TET2: variants seen among roughly 807,000 people sequenced by gnomAD.
TET2 encodes tet methylcytosine dioxygenase 2.
A neutral mutation model predicts 142.9 loss-of-function variants in TET2; 299 were observed. The observed-to-expected ratio is 2.09, with a 90% CI of 1.90 to 2.30. The LOEUF is 2.30. Among genes scored for constraint, TET2 ranks in the 30% most tolerant of loss-of-function variants. The pLI is 0.00. For missense variants in TET2, 2,418 were observed against 2,378.0 expected, an observed-to-expected ratio of 1.02 and a Z score of -0.35; for synonymous variants, 819 against 849.0, an observed-to-expected ratio of 0.96 and a Z score of 0.61.
intron 2 of TET2, among the ~76,000 whole-genome samples, chr4:105,216,718 T>TA (rs1274899113): frequency 5.9e-5 from 9 of 152,182 alleles, no homozygotes; most frequent in African/African-American, 2.2e-4. Flanking sequence ...AAAAATGCCA[T>TA]AAACTTGGAT....
rs1380849325 is a variant in TET2, at chr4:105,242,537, C to A, written c.3501-297C>A. The A allele has an allele frequency of 1.5e-5, 17 of 1,154,836 alleles. No individual in the cohort carries two copies. The Admixed American group carries it at 7.4e-4, about 50-fold the overall frequency. 71.5% of individuals were successfully genotyped at this position (1,154,836 alleles called of 1,614,324 possible). A position where few individuals can be genotyped will look rare whatever the true frequency, so the allele number is the denominator to read the frequency against. ...TAGAAGACTGAACTTAGCAAACTAA[C>A]CTGAATTTTGTGCTTTGTGAAATTT... On this transcript the variant is annotated intron_variant, in intron 4 of 10. Coordinates refer to ENST00000380013, the MANE Select transcript of TET2 (RefSeq NM_001127208.3).
rs562808576 is a variant in TET2 at position 105,242,018 on chromosome 4, G to A, written c.3500+589G>A. On this transcript the variant is annotated intron_variant, in intron 4 of 10. Coordinates refer to ENST00000380013, the MANE Select transcript of TET2 (RefSeq NM_001127208.3). ...CTGCATGTAGAAGACTCTTATGAGCGAGATAATGCAGAGAAGGCCTTTCAT... is the reference window on the plus strand; with the variant it reads ...CTGCATGTAGAAGACTCTTATGAGCAAGATAATGCAGAGAAGGCCTTTCAT... The A allele has an allele frequency of 8.0e-5, 99 of 1,240,548 alleles. No individual in the cohort carries two copies. The South Asian group carries it at 3.7e-3, about 47-fold the overall frequency. 76.8% of individuals were successfully genotyped at this position (1,240,548 alleles called of 1,614,324 possible).
chr4:105,269,933 G>A (rs1005635546), intron 9 of TET2, among the ~76,000 whole-genome samples, 186 bp downstream of exon 9: 19 of 152,140 alleles, frequency 1.2e-4, no homozygotes, highest in Admixed American at 7.2e-4. Flanking sequence ...CTTACATGGC[G>A]GCAGGCAAGA....
At position 105,276,087 on chromosome 4, in the gene TET2, T is replaced by TGG; in HGVS notation, c.5581_5582dup (p.Val1862GlufsTer26). 1 of 1,551,644 alleles carries TGG rather than the reference T, an allele frequency of 6.4e-7. No homozygotes were observed. The highest frequency in any genetic ancestry group is 8.7e-7 in the Non-Finnish European group (1 of 1,146,974). ...AGCAGAGCTTTCTGGATCCTGACAT[T>TGG]GGGGGAGTGGCCGTGGCTCCAACTC... is the stretch of plus-strand genomic sequence containing the variant. On this transcript the variant is annotated frameshift_variant, in exon 11 of 11. Coordinates refer to ENST00000380013, the MANE Select transcript of TET2 (RefSeq NM_001127208.3). LOFTEE classifies it high-confidence loss of function.
rs1181619535 is a variant in TET2 at position 105,261,628 on chromosome 4, A to C, written c.3955-131A>C. On this transcript the variant is annotated intron_variant, in intron 7 of 10. Transcript: ENST00000380013. The stretch of plus-strand genomic sequence containing the variant: ...GATAGTCATGTTTTAAAGATGCTTT[A>C]TTTAGTAATAAAGGCACCATATATT... 1 of 490,878 alleles carries C rather than the reference A, an allele frequency of 2.0e-6. No individual in the cohort carries two copies. Among genetic ancestry groups the C allele is most frequent in the African/African-American group, 2.0e-5 (1 of 49,776 alleles). The allele number at this position is 490,878 out of a possible 1,614,324, so 30.4% of individuals were successfully genotyped here.
chr4:105,243,367 C>T (rs1171287576), intron 5 of TET2, among the ~76,000 whole-genome samples: 1 of 152,116 alleles, frequency 6.6e-6, no homozygotes, highest in East Asian at 1.9e-4. Flanking sequence ...TTGCATCTCT[C>T]CTTGTTCTGA....
Position 105,235,973 on chromosome 4 carries a change from TG to T in TET2, c.2033del (p.Gly678AlafsTer22). 6.2e-7 allele frequency: 1 copy of T among 1,614,198 alleles called. No homozygotes were observed. The highest frequency in any genetic ancestry group is 8.5e-7 in the Non-Finnish European group (1 of 1,180,032). ...CAAAAGCTCATGTGCAGTCACTGTG[TG>T]GCACTAGATTTCATTTTCAACAAAG... Reference protein sequence around the residue: ...LPKAHVQSLCGTRFHFQQRAD... With the variant: ...LPKAHVQSLCXTRFHFQQRAD... On this transcript the variant is annotated frameshift_variant, in exon 3 of 11. Coordinates refer to ENST00000380013, the MANE Select transcript of TET2 (RefSeq NM_001127208.3). LOFTEE classifies it high-confidence loss of function.
At chr4:105,247,621 C>T (rs1578698288) in intron 6 of TET2, among the ~76,000 whole-genome samples, 3 of 118,794 alleles carry the variant, frequency 2.5e-5, no homozygotes, top group Admixed American at 8.1e-5. Context: ...TGGATTTGGC[C>T]GATTTCATCT....
chr4:105,163,675 AT>A (rs1182965629), intron 1 of TET2, among the ~76,000 whole-genome samples: 1 of 152,092 alleles, frequency 6.6e-6, no homozygotes, highest in Non-Finnish European at 1.5e-5. Flanking sequence ...TTCCCTATAA[AT>A]TTTGAATTAT....
At chr4:105,263,028 TAAA>T (rs11407749) in intron 8 of TET2, among the ~76,000 whole-genome samples, 63,998 of 150,752 alleles carry the variant, frequency 0.42, 14,236 homozygotes, top group Non-Finnish European at 0.52. Context: ...ACCCAGATTC[TAAA>T]AAAAAAGCAA....
intron 1 of TET2, among the ~76,000 whole-genome samples, chr4:105,183,768 G>A (rs1484370284): frequency 4.6e-5 from 7 of 152,112 alleles, no homozygotes; most frequent in African/African-American, 1.7e-4. Flanking sequence ...AGTCAGCCGC[G>A]CAAATACAAT....
At chr4:105,181,222 G>C (rs912573306) in intron 1 of TET2, among the ~76,000 whole-genome samples, 1 of 152,094 alleles carries the variant, frequency 6.6e-6, no homozygotes, top group Non-Finnish European at 1.5e-5. Context: ...GTGTGTGTTT[G>C]TCTTTGTGTG....
In TET2 at chr4:105,180,469, A is replaced by G. The variant is rs1290008751; in HGVS notation, c.-192-9891A>G. ...GTTCTATAATTATTGAGTTCTTTTA[A>G]GTTTTATCTTTTTTTGTTTTACCAG... On this transcript the variant is annotated intron_variant, in intron 1 of 10. Coordinates refer to ENST00000380013, the MANE Select transcript of TET2 (RefSeq NM_001127208.3). Among the ~76,000 whole-genome samples, 7 of 118,182 alleles carry G rather than the reference A, an allele frequency of 5.9e-5. No homozygotes were observed. In the East Asian group the frequency reaches 1.3e-3, roughly 21 times the overall value. 77.5% of individuals were successfully genotyped at this position (118,182 alleles called of 152,430 possible). A position where few individuals can be genotyped will look rare whatever the true frequency, so the allele number is the denominator to read the frequency against.
chr4:105,244,147 A>G (rs147137720), intron 6 of TET2, among the ~76,000 whole-genome samples: 9 of 152,244 alleles, frequency 5.9e-5, no homozygotes, highest in African/African-American at 2.2e-4. Context: ...TATCTGAAAC[A>G]GAAAGTAAGT....
At chr4:105,219,706 C>T (rs1453954487) in intron 2 of TET2, among the ~76,000 whole-genome samples, 1 of 151,922 alleles carries the variant, frequency 6.6e-6, no homozygotes, top group Non-Finnish European at 1.5e-5. Context: ...GACAATGTAT[C>T]AAACAGTAAA....
rs1728970250 is a variant in TET2, at chr4:105,236,957, G to A, written c.3015G>A (p.Lys1005=). The change falls in exon 3 of 11, where the codon AAG becomes AAA. Residue 1005 remains lysine, a synonymous_variant. Transcript: ENST00000380013. ...CACCAGAAAACAAAACATGGAAAAAGGTAACTAAGCAAGAGAATCCACCTG... is the reference window on the plus strand; with the variant it reads ...CACCAGAAAACAAAACATGGAAAAAAGTAACTAAGCAAGAGAATCCACCTG... The part of the protein sequence containing the change: ...TAPPENKTWK[K]VTKQENPPAS... The A allele has an allele frequency of 6.2e-7, 1 of 1,614,076 alleles. No individual in the cohort carries two copies. Among genetic ancestry groups the A allele is most frequent in the Non-Finnish European group, 8.5e-7 (1 of 1,180,018 alleles).
rs1446837215 is a variant in TET2 at position 105,269,709 on chromosome 4, C to T, written c.4144C>T (p.His1382Tyr). The T allele has an allele frequency of 1.3e-6, 2 of 1,551,594 alleles. No individual in the cohort carries two copies. The highest frequency in any genetic ancestry group is 8.7e-7 in the Non-Finnish European group (1 of 1,146,930). The change falls in exon 9 of 11, where the codon CAC (histidine) becomes TAC (tyrosine). Residue 1382 changes from histidine (H) to tyrosine (Y), a missense_variant. Transcript: ENST00000380013. Reference sequence around the variant, plus strand: ...ATGTTTGGACTTCTGTGCTCATGCCCACAGAGACTTGCACAACATGCAGAA... The same window carrying T: ...ATGTTTGGACTTCTGTGCTCATGCCTACAGAGACTTGCACAACATGCAGAA... ...TACLDFCAHA[H>Y]RDLHNMQNGS...
chr4:105,228,631 A>G (rs1193383212), intron 2 of TET2, among the ~76,000 whole-genome samples: 1 of 152,138 alleles, frequency 6.6e-6, no homozygotes, highest in Non-Finnish European at 1.5e-5. Context: ...TATATAATTT[A>G]TCATAAATGT....
chr4:105,154,187 T>C (rs533265663), intron 1 of TET2, among the ~76,000 whole-genome samples: 53 of 152,306 alleles, frequency 3.5e-4, no homozygotes, highest in African/African-American at 1.2e-3. Flanking sequence ...ATGATGAAAA[T>C]GTTCTATAAT....
Sources: allele counts gnomAD v4.1 joint callset (sites outside exome capture counted in the v4.1 genomes callset), GRCh38; gene constraint gnomAD v4.1.1; transcripts MANE v1.5; gene names NCBI Gene and HGNC (gene_info 2026-07-23, HGNC 2026-07-21).